LRP2: variants seen among roughly 807,000 people sequenced by gnomAD.
The protein encoded by LRP2 is LDL receptor related protein 2.
LRP2 carries 172 observed loss-of-function variants against 531.0 expected under a neutral mutation model. The observed-to-expected ratio is 0.32, with a 90% confidence interval of 0.29 to 0.37. The LOEUF (loss-of-function observed/expected upper bound fraction) is 0.37. Among genes scored for constraint, LRP2 ranks in the 10% least tolerant of loss-of-function variants. LRP2 has a pLI of 1.00. For synonymous variants in LRP2, 1,992 were observed against 2,027.6 expected, an observed-to-expected ratio of 0.98 and a Z score of 0.47; for missense variants, 5,167 against 5,868.3, an observed-to-expected ratio of 0.88 and a Z score of 3.90.
chr2:169,282,700 A>G (rs1378389052), intron 10 of LRP2, among the ~76,000 whole-genome samples, 173 bp downstream of exon 10: 3 of 152,204 alleles, frequency 2.0e-5, no homozygotes, highest in Admixed American at 6.5e-5. Context: ...TAATCAAAGT[A>G]TGAAATTAAT....
chr2:169,138,500 G>T, intron 75 of LRP2, 77 bp downstream of exon 75: 1 of 1,504,236 alleles, frequency 6.6e-7, no homozygotes, highest in Non-Finnish European at 9.1e-7. Context: ...TCTTCTCTAG[G>T]TGAATTTTGT....
chr2:169,286,226 C>T (rs1446304003), intron 9 of LRP2, among the ~76,000 whole-genome samples: 1 of 152,236 alleles, frequency 6.6e-6, no homozygotes, highest in Non-Finnish European at 1.5e-5. Flanking sequence ...CAGAAAAGGT[C>T]TCTGCAGGTG....
chr2:169,229,775 C>T (rs1474750562), intron 31 of LRP2, among the ~76,000 whole-genome samples: 1 of 152,178 alleles, frequency 6.6e-6, no homozygotes, highest in African/African-American at 2.4e-5. Context: ...CATGTTTTTA[C>T]AAGGCCAATA....
chr2:169,144,380 C>A (rs1297731718), intron 70 of LRP2, among the ~76,000 whole-genome samples: 1 of 138,050 alleles, frequency 7.2e-6, no homozygotes, highest in South Asian at 2.6e-4. Context: ...CCATCCCCAC[C>A]CCCACCCCCA....
chr2:169,351,876 G>T (rs927922728), intron 1 of LRP2, among the ~76,000 whole-genome samples: 5 of 152,164 alleles, frequency 3.3e-5, no homozygotes, highest in African/African-American at 9.7e-5. Context: ...TGCTGAGCGC[G>T]TATGTATGCA....
At chr2:169,189,636 G>A (rs1211306294) in intron 48 of LRP2, among the ~76,000 whole-genome samples, 2 of 152,096 alleles carry the variant, frequency 1.3e-5, no homozygotes, top group African/African-American at 2.4e-5. Flanking sequence ...AAAAAAGAAG[G>A]TCAATAGGAA....
At chr2:169,291,067 T>G in intron 7 of LRP2, 70 bp from the exon 8 acceptor site, 1 of 1,403,008 alleles carries the variant, frequency 7.1e-7, no homozygotes, top group South Asian at 1.2e-5. Context: ...AATCAGTGGT[T>G]TACAGAGGAT....
At chr2:169,355,641 A>T (rs1264319619) in intron 1 of LRP2, among the ~76,000 whole-genome samples, 1 of 152,200 alleles carries the variant, frequency 6.6e-6, no homozygotes, top group Non-Finnish European at 1.5e-5. Context: ...TTTCTTTCCC[A>T]GTGGATGTGA....
At chr2:169,160,009 G>A (rs553837657) in intron 63 of LRP2, among the ~76,000 whole-genome samples, 69 of 152,246 alleles carry the variant, frequency 4.5e-4, no homozygotes, top group Admixed American at 4.6e-4. Flanking sequence ...ATTTGAAAAT[G>A]ATCACCATTT....
chr2:169,130,212 C>T (rs975940617), intron 77 of LRP2, among the ~76,000 whole-genome samples: 4 of 151,898 alleles, frequency 2.6e-5, no homozygotes, highest in East Asian at 3.9e-4. Context: ...AGGAAAGGGA[C>T]GGTGACTTTC....
chr2:169,290,953 A>G lies in LRP2; in HGVS notation c.814T>C (p.Ser272Pro), dbSNP rs200766167. Reference protein sequence around the residue: ...DVHKCSPREWSCPESGRCISI... With the variant: ...DVHKCSPREWPCPESGRCISI... ...ATGCATCGTCCCGACTCTGGGCAAG[A>G]CCATTCTCTTGGGGAACATTTATGA... The change falls in exon 8 of 79, where the codon TCT becomes CCT. Residue 272 changes from serine (S) to proline (P), a missense_variant. Physicochemically the swap from Ser to Pro is moderately conservative, Grantham distance 74 (BLOSUM62 -1). Around this residue, in one of 6 missense-constraint regions of LRP2, gnomAD observed 2,811 missense variants for 3,058.0 expected, o/e 0.92. Transcript: ENST00000649046. The G allele has an allele frequency of 1.2e-6, 2 of 1,614,090 alleles. No individual in the cohort carries two copies. The highest frequency in any genetic ancestry group is 2.2e-5 in the East Asian group (1 of 44,874).
intron 17 of LRP2, among the ~76,000 whole-genome samples, chr2:169,257,528 C>T (rs1051920371): frequency 3.9e-5 from 6 of 152,078 alleles, no homozygotes; most frequent in African/African-American, 1.4e-4. Context: ...TGTCGCCTAA[C>T]ATATTCTCTA....
At position 169,206,588 on chromosome 2, in the gene LRP2, C is replaced by T. The variant is rs1360672432; in HGVS notation, c.7132G>A (p.Asp2378Asn). 44 of 1,614,132 alleles carry T rather than the reference C, an allele frequency of 2.7e-5. No homozygotes were observed. Among genetic ancestry groups the T allele is most frequent in the Non-Finnish European group, 3.6e-5 (43 of 1,180,020 alleles). Residue 2378 changes from aspartate (D) to asparagine (N), a missense_variant, in exon 39 of 79, where the codon GAT becomes AAT. By Grantham distance (23) the Asp-to-Asn change is conservative (BLOSUM62 1). Transcript: ENST00000649046. ...CDCAFGTLQS[D>N]GKNCAISTEN... Reference sequence around the variant, plus strand: ...GTTGAAATGGCACAATTCTTGCCATCACTTTGCAGGGTCCCAAAGGCACAG... The same window carrying T: ...GTTGAAATGGCACAATTCTTGCCATTACTTTGCAGGGTCCCAAAGGCACAG...
In LRP2 at chr2:169,233,557, A is replaced by C. The variant is rs1689490866; in HGVS notation, c.4952T>G (p.Phe1651Cys). 2 of 1,614,180 alleles carry C rather than the reference A, an allele frequency of 1.2e-6. No homozygotes were observed. The highest frequency in any genetic ancestry group is 1.7e-6 in the Non-Finnish European group (2 of 1,180,034). ...GTCAGTCCAGTACACAGAGTCTTCA[A>C]AGAGAGTTAGGGCATAGGGGTGCCG... ...IIRHPYALTL[F>C]EDSVYWTDRA... is the part of the protein sequence containing the mutation. Residue 1651 changes from phenylalanine to cysteine, a missense_variant, in exon 30 of 79, where the codon TTT becomes TGT. Physicochemically the swap from Phe to Cys is radical, Grantham distance 205 (BLOSUM62 -2). Transcript: ENST00000649046.
chr2:169,275,386 T>C (rs952387773), intron 13 of LRP2, 148 bp from the exon 14 acceptor site: 1 of 678,368 alleles, frequency 1.5e-6, no homozygotes, highest in Non-Finnish European at 2.6e-6. Context: ...ATTTTAGATG[T>C]ATACATATTT....
intron 13 of LRP2, among the ~76,000 whole-genome samples, chr2:169,275,891 A>C (rs1683539536): frequency 2.0e-5 from 3 of 152,090 alleles, no homozygotes; most frequent in Non-Finnish European, 4.4e-5. Flanking sequence ...CTAAGCGAAG[A>C]GAGGAAATCA....
chr2:169,308,863 T>A (rs1219369796), intron 3 of LRP2, among the ~76,000 whole-genome samples: 1 of 152,202 alleles, frequency 6.6e-6, no homozygotes, highest in East Asian at 1.9e-4. Context: ...TTCCTATTTC[T>A]CCACATCCTC....
At chr2:169,322,179 A>G (rs893293047) in intron 1 of LRP2, among the ~76,000 whole-genome samples, 1 of 152,218 alleles carries the variant, frequency 6.6e-6, no homozygotes. Flanking sequence ...ATACAGATCA[A>G]GTACCTACTC....
At position 169,206,136 on chromosome 2, in the gene LRP2, A is replaced by G; in HGVS notation, c.7443T>C (p.Tyr2481=). 4 of 1,614,206 alleles carry G rather than the reference A, an allele frequency of 2.5e-6. No homozygotes were observed. The highest frequency in any genetic ancestry group is 3.4e-6 in the Non-Finnish European group (4 of 1,180,032). The part of the protein sequence containing the change: ...IAFDWITRRI[Y]YSDYLNQMIN... ...TCATCTGGTTGAGGTAGTCACTGTA[A>G]TAAATTCTTCTAGTAATCCAGTCAA... The change falls in exon 40 of 79, where the codon TAT becomes TAC. Residue 2481 remains tyrosine (Y), a synonymous_variant. Transcript: ENST00000649046.
Sources: gnomAD v4.1 joint callset for allele counts (sites outside exome capture counted in the v4.1 genomes callset) on GRCh38, gnomAD v4.1.1 for gene constraint, gnomAD v4.1.1 regional missense constraint, MANE v1.5 for transcripts, NCBI Gene and HGNC (gene_info 2026-07-23, HGNC 2026-07-21) for gene names.